The following FXYD5 variants were observed in gnomAD, a reference collection of about 807,000 sequenced individuals.
The protein encoded by FXYD5 is FXYD domain-containing ion transport regulator 5.
Under a neutral mutation model 25.7 loss-of-function variants are expected in FXYD5, and 21 were observed. The ratio of observed to expected loss-of-function variants is 0.82; its 90% confidence interval spans 0.58 to 1.18. The LOEUF (loss-of-function observed/expected upper bound fraction) is 1.18, where lower values mean the gene tolerates loss of function less well. FXYD5 is among the 50% of genes most tolerant of loss of function. The pLI is 0.00. For missense variants in FXYD5, 229 were observed against 227.7 expected (o/e 1.01, Z -0.04); for synonymous variants, 101 against 90.7 (o/e 1.11, Z -0.64).
chr19:35,166,260 C>G lies in FXYD5; in HGVS notation c.422C>G (p.Thr141Ser). ...ATTTTTCTCTCTGCAGATGAACACA[C>G]CCTCCGGAAACGGGGGCTGTTGGTC... ...EDDPFFYDEH[T>S]LRKRGLLVAA... Residue 141 changes from threonine to serine, a missense_variant, in exon 8 of 9, where the codon ACC becomes AGC. Transcript: ENST00000392219. The G allele has an allele frequency of 1.2e-6, 2 of 1,612,038 alleles. No homozygotes were observed. Among genetic ancestry groups the G allele is most frequent in the Non-Finnish European group, 1.7e-6 (2 of 1,178,334 alleles).
chr19:35,155,532 G>A lies in FXYD5; in HGVS notation c.1-19G>A. 6.2e-7 allele frequency: 1 copy of A among 1,605,304 alleles called. No individual in the cohort carries two copies. Among genetic ancestry groups the A allele is most frequent in the Non-Finnish European group, 8.5e-7 (1 of 1,176,990 alleles). On this transcript the variant is annotated intron_variant, in intron 1 of 8. Transcript: ENST00000392219. Reference sequence around the variant, plus strand: ...CTCACTGACATCATGGCTGACCCCAGCATCGCCTGGTCCCACAGATGTCGC... The same window carrying A: ...CTCACTGACATCATGGCTGACCCCAACATCGCCTGGTCCCACAGATGTCGC...
rs552615838 is a variant in FXYD5, at chr19:35,154,859, G to C, written c.-1+50G>C. 699 of 153,658 alleles carry C rather than the reference G, an allele frequency of 4.5e-3. 10 individuals are homozygous for C. The highest frequency in any genetic ancestry group is 0.016 in the African/African-American group (662 of 41,432). 9.5% of individuals were successfully genotyped at this position (153,658 alleles called of 1,614,324 possible). ...CCATCCGCTGCCCCTCTGCCCACGG[G>C]CCGGGCTCAGGTGGGTAGGGGTTTG... On this transcript the variant is annotated intron_variant, in intron 1 of 8. Transcript: ENST00000392219.
At chr19:35,164,132 C>T in intron 5 of FXYD5, 24 bp from the exon 6 acceptor site, 4 of 1,613,858 alleles carry the variant, frequency 2.5e-6, no homozygotes, top group Non-Finnish European at 3.4e-6. Context: ...CTCCTGCCCT[C>T]CACTGATCTG....
chr19:35,167,856 C>T (rs12611051), intron 8 of FXYD5, among the ~76,000 whole-genome samples: 29,178 of 152,038 alleles, frequency 0.19, 2,975 homozygotes, highest in East Asian at 0.28. Flanking sequence ...ATTCTCACCC[C>T]AGTGGAGAAG....
In FXYD5 at chr19:35,169,692, T is replaced by A; in HGVS notation, c.*77T>A. 1.1e-6 allele frequency: 1 copy of A among 909,912 alleles called. No homozygotes were observed. The highest frequency in any genetic ancestry group is 1.8e-6 in the Non-Finnish European group (1 of 545,118). The allele number at this position is 909,912 out of a possible 1,614,324, so 56.4% of individuals were successfully genotyped here. A position where few individuals can be genotyped will look rare whatever the true frequency, so the allele number is the denominator to read the frequency against. On this transcript the variant is annotated 3_prime_UTR_variant, in exon 9 of 9. Transcript: ENST00000392219. ...CCCTGCCAGCTCACCGTGCCCAGCC[T>A]CCTGCATCCCCTCGAAGAGCCTGGC...
In FXYD5 at chr19:35,154,778, G is replaced by A. The variant is rs898224661; in HGVS notation, c.-32G>A. ...GCCACCGCCGCGTCCCTCTCTCCAC[G>A]AGGCTGCCGGCTTAGGACCCCCAGC... On this transcript the variant is annotated 5_prime_UTR_variant, in exon 1 of 9. Coordinates refer to ENST00000392219, the MANE Select transcript of FXYD5 (RefSeq NM_014164.6). 1 of 153,012 alleles carries A rather than the reference G, an allele frequency of 6.5e-6. No individual in the cohort carries two copies. The highest frequency in any genetic ancestry group is 2.4e-5 in the African/African-American group (1 of 41,392). 9.5% of individuals were successfully genotyped at this position (153,012 alleles called of 1,614,324 possible).
Position 35,157,519 on chromosome 19 carries a change from T to C in FXYD5, c.142+18T>C, listed in dbSNP as rs200765657. On this transcript the variant is annotated intron_variant, in intron 3 of 8. Coordinates refer to ENST00000392219, the MANE Select transcript of FXYD5 (RefSeq NM_014164.6). Reference sequence around the variant, plus strand: ...AGCCCCAGGTGAGGAAAGGGACACATCTATCAAGATCCTGTCATTGCAAAT... The same window carrying C: ...AGCCCCAGGTGAGGAAAGGGACACACCTATCAAGATCCTGTCATTGCAAAT... 3 of 1,214,330 alleles carry C rather than the reference T, an allele frequency of 2.5e-6. No homozygotes were observed. In the Admixed American group the frequency reaches 5.1e-5, roughly 21 times the overall value. The allele number at this position is 1,214,330 out of a possible 1,614,324, so 75.2% of individuals were successfully genotyped here.
At position 35,169,796 on chromosome 19, in the gene FXYD5, C is replaced by T. The variant is rs2065483122; in HGVS notation, c.*181C>T. 1.7e-6 allele frequency: 1 copy of T among 598,614 alleles called. No homozygotes were observed. Among genetic ancestry groups the T allele is most frequent in the African/African-American group, 1.9e-5 (1 of 53,882 alleles). The allele number at this position is 598,614 out of a possible 1,614,324, so 37.1% of individuals were successfully genotyped here. ...CTCCTACCTCCCCCAACCCTGCCCG[C>T]CCCTGAAGGCTACCTGGCGCCTTGG... On this transcript the variant is annotated 3_prime_UTR_variant, in exon 9 of 9. Transcript: ENST00000392219.
intron 5 of FXYD5, among the ~76,000 whole-genome samples, chr19:35,162,365 C>T (rs926181420): frequency 1.3e-5 from 2 of 152,176 alleles, no homozygotes; most frequent in Non-Finnish European, 2.9e-5. Flanking sequence ...TTAATCTGCT[C>T]AGGTTACGAT....
chr19:35,157,547 C>A, intron 3 of FXYD5, 46 bp downstream of exon 3: 1 of 957,706 alleles, frequency 1.0e-6, no homozygotes, highest in Non-Finnish European at 1.7e-6. Context: ...TTGCAAATAA[C>A]AACAGCAACA....
intron 8 of FXYD5, 22 bp from the exon 9 acceptor site, chr19:35,169,544 G>C (rs975241981): frequency 6.3e-7 from 1 of 1,579,298 alleles, no homozygotes; most frequent in East Asian, 2.2e-5. Flanking sequence ...GCTCGTGACT[G>C]AATCATTTCC....
At chr19:35,161,221 AAC>A (rs147168736) in intron 5 of FXYD5, among the ~76,000 whole-genome samples, 1 of 38,186 alleles carries the variant, frequency 2.6e-5, no homozygotes, top group Non-Finnish European at 5.4e-5. Flanking sequence ...ATTCACCTTA[AAC>A]ACACACACAC....
At chr19:35,169,277 A>AT (rs2065477617) in intron 8 of FXYD5, among the ~76,000 whole-genome samples, 1 of 151,986 alleles carries the variant, frequency 6.6e-6, no homozygotes, top group African/African-American at 2.4e-5. Context: ...CAGGGCAGGG[A>AT]TTTTTTTCTT....
rs565371799 is a variant in FXYD5 at position 35,155,792 on chromosome 19, C to T, written c.61+181C>T. 2.7e-4 allele frequency among the ~76,000 whole-genome samples: 41 copies of T among 152,330 alleles called. 1 individual carries two copies. In the South Asian group the frequency reaches 7.0e-3, roughly 26 times the overall value. ...GGCGACGTTACACCCTCTTTGGACACCTCAGACCCGGGTGGCTGCTTCCAG... is the reference window on the plus strand; with the variant it reads ...GGCGACGTTACACCCTCTTTGGACATCTCAGACCCGGGTGGCTGCTTCCAG... On this transcript the variant is annotated intron_variant, in intron 2 of 8. Transcript: ENST00000392219.
At chr19:35,157,927 C>T (rs776062062) in intron 3 of FXYD5, among the ~76,000 whole-genome samples, 10 of 152,230 alleles carry the variant, frequency 6.6e-5, no homozygotes, top group Non-Finnish European at 8.8e-5. Flanking sequence ...GCCTGGGTTC[C>T]ATGTCCAACC....
At chr19:35,166,589 A>C (rs2065453268) in intron 8 of FXYD5, 2 of 453,298 alleles carry the variant, frequency 4.4e-6, no homozygotes, top group Non-Finnish European at 7.7e-6. Context: ...ATCTGAGTTC[A>C]GTTGTGGGTC....
rs570371024 is a variant in FXYD5 at position 35,164,077 on chromosome 19, A to C, written c.293-79A>C. 1.1e-5 allele frequency: 18 copies of C among 1,607,968 alleles called. No homozygotes were observed. The South Asian group carries it at 2.0e-4, about 18-fold the overall frequency. On this transcript the variant is annotated intron_variant, in intron 5 of 8. Transcript: ENST00000392219. ...GATGTGGGAGAGGGGTTTCTTCCAG[A>C]TGCAGACTCTCAGTAATATCCCTTG...
chr19:35,155,617 AC>A lies in FXYD5; in HGVS notation c.61+9del. On this transcript the variant is annotated splice_region_variant and intron_variant, in intron 2 of 8. Coordinates refer to ENST00000392219, the MANE Select transcript of FXYD5 (RefSeq NM_014164.6). ...CCTGATTCTCCCCACCAGAGGTAAG[AC>A]CCATCTCTGGCCTCCACCCTGCCCC... 3 of 1,599,844 alleles carry A rather than the reference AC, an allele frequency of 1.9e-6. No individual in the cohort carries two copies. The highest frequency in any genetic ancestry group is 8.5e-7 in the Non-Finnish European group (1 of 1,171,134).
At position 35,166,128 on chromosome 19, in the gene FXYD5, GTC is replaced by G. The variant is rs1228455308; in HGVS notation, c.383-12_383-11del. 1 of 1,613,316 alleles carries G rather than the reference GTC, an allele frequency of 6.2e-7. No homozygotes were observed. The highest frequency in any genetic ancestry group is 1.3e-5 in the African/African-American group (1 of 74,862). On this transcript the variant is annotated splice_polypyrimidine_tract_variant and intron_variant, in intron 6 of 8. Coordinates refer to ENST00000392219, the MANE Select transcript of FXYD5 (RefSeq NM_014164.6). ...TTTGCTGAACCCTGACTTGCTCTTTGTCTGCCTCTCCAGGTTTTCATGAGGAT... is the reference window on the plus strand; with the variant it reads ...TTTGCTGAACCCTGACTTGCTCTTTGTGCCTCTCCAGGTTTTCATGAGGAT...
Sources: allele counts gnomAD v4.1 joint callset (sites outside exome capture counted in the v4.1 genomes callset), GRCh38; gene constraint gnomAD v4.1.1; transcripts MANE v1.5; gene names NCBI Gene and HGNC (gene_info 2026-07-23, HGNC 2026-07-21).